FGF12: variants seen among roughly 807,000 people sequenced by gnomAD.
The protein encoded by FGF12 is fibroblast growth factor 12B.
In FGF12, 14 loss-of-function variants were observed where a neutral mutation model predicts 23.6. The ratio of observed to expected loss-of-function variants is 0.59; its 90% CI spans 0.39 to 0.93. The LOEUF (loss-of-function observed/expected upper bound fraction) is 0.93. Among genes scored for constraint, FGF12 ranks in the 40% least tolerant of loss-of-function variants. FGF12 has a pLI of 0.00. For missense variants in FGF12, 175 were observed against 217.8 expected, an observed-to-expected ratio of 0.80 and a Z score of 1.24; for synonymous variants, 62 against 77.3, an observed-to-expected ratio of 0.80 and a Z score of 1.04.
intron 2 of FGF12, among the ~76,000 whole-genome samples, chr3:192,640,812 T>C (rs1341607566): frequency 6.6e-6 from 1 of 151,732 alleles, no homozygotes; most frequent in African/African-American, 2.4e-5. Context: ...TGTTTGTTTG[T>C]TTGTTTGTTT....
chr3:192,443,912 G>A (rs940098183), intron 2 of FGF12, among the ~76,000 whole-genome samples: 1 of 152,144 alleles, frequency 6.6e-6, no homozygotes, highest in Non-Finnish European at 1.5e-5. Context: ...AAACAGAGTG[G>A]CTGAGAAGCA....
intron 2 of FGF12, among the ~76,000 whole-genome samples, chr3:192,628,096 A>T (rs1042091326): frequency 6.6e-6 from 1 of 152,162 alleles, no homozygotes; most frequent in Admixed American, 6.5e-5. Flanking sequence ...GAACGTGATT[A>T]TACAGTAAAT....
chr3:192,680,335 C>A (rs911268730), intron 2 of FGF12, among the ~76,000 whole-genome samples: 3 of 152,100 alleles, frequency 2.0e-5, no homozygotes, highest in African/African-American at 7.2e-5. Context: ...GTGCAAAGGG[C>A]ACAAGGGACT....
At chr3:192,182,382 C>G (rs1716229531) in intron 4 of FGF12, among the ~76,000 whole-genome samples, 1 of 151,840 alleles carries the variant, frequency 6.6e-6, no homozygotes. Flanking sequence ...TATTTCAAAT[C>G]TTATAAAACA....
chr3:192,386,149 C>T (rs73068600), intron 2 of FGF12, among the ~76,000 whole-genome samples: 3,216 of 152,268 alleles, frequency 0.021, 105 homozygotes, highest in African/African-American at 0.074. Context: ...CCAACATGAA[C>T]ACAGTCTTCT....
At chr3:192,344,275 C>T (rs1399795779) in intron 3 of FGF12, among the ~76,000 whole-genome samples, 1 of 151,914 alleles carries the variant, frequency 6.6e-6, no homozygotes, top group African/African-American at 2.4e-5. Flanking sequence ...TTCATATCTC[C>T]ACATCTGGAG....
chr3:192,287,303 T>C (rs529264624), intron 4 of FGF12, among the ~76,000 whole-genome samples: 17 of 152,198 alleles, frequency 1.1e-4, no homozygotes, highest in African/African-American at 4.1e-4. Context: ...TCCAGTTGTA[T>C]TCCCTTTTTG....
At chr3:192,378,606 C>A (rs1719676679) in intron 2 of FGF12, among the ~76,000 whole-genome samples, 1 of 152,022 alleles carries the variant, frequency 6.6e-6, no homozygotes, top group Non-Finnish European at 1.5e-5. Context: ...CAAGAATATT[C>A]TTTGGTATAA....
intron 2 of FGF12, among the ~76,000 whole-genome samples, chr3:192,425,881 T>G (rs1721674928): frequency 6.6e-6 from 1 of 152,196 alleles, no homozygotes; most frequent in Non-Finnish European, 1.5e-5. Context: ...TAAATAGTAT[T>G]AAACTAAATT....
intron 4 of FGF12, among the ~76,000 whole-genome samples, chr3:192,303,757 T>C (rs1715469553): frequency 6.6e-6 from 1 of 152,146 alleles, no homozygotes; most frequent in African/African-American, 2.4e-5. Flanking sequence ...TTTCCCTGAG[T>C]TTTAATTTTT....
At chr3:192,470,629 T>A (rs570889357) in intron 2 of FGF12, among the ~76,000 whole-genome samples, 2 of 152,312 alleles carry the variant, frequency 1.3e-5, no homozygotes, top group East Asian at 1.9e-4. Flanking sequence ...CCTCAAGTGA[T>A]CCTCCTGCCT....
intron 4 of FGF12, among the ~76,000 whole-genome samples, chr3:192,260,682 G>C (rs980650759): frequency 1.3e-5 from 2 of 152,170 alleles, no homozygotes; most frequent in Non-Finnish European, 2.9e-5. Flanking sequence ...GATTTCTCCA[G>C]AGAAAGTTAT....
intron 4 of FGF12, among the ~76,000 whole-genome samples, chr3:192,293,972 C>G (rs1714897561): frequency 6.6e-6 from 1 of 152,154 alleles, no homozygotes; most frequent in Admixed American, 6.6e-5. Flanking sequence ...TCCCATTATT[C>G]ACTCAAGTTG....
At chr3:192,432,578 G>A (rs1220880783) in intron 2 of FGF12, among the ~76,000 whole-genome samples, 1 of 143,274 alleles carries the variant, frequency 7.0e-6, no homozygotes, top group African/African-American at 2.6e-5. Flanking sequence ...GGGCCATGGG[G>A]CAAGGTCCTG....
At chr3:192,527,439 C>T (rs1269312625) in intron 2 of FGF12, among the ~76,000 whole-genome samples, 1 of 152,070 alleles carries the variant, frequency 6.6e-6, no homozygotes, top group Non-Finnish European at 1.5e-5. Flanking sequence ...CAGATTTTGC[C>T]ATTGTTTCCA....
intron 2 of FGF12, among the ~76,000 whole-genome samples, chr3:192,464,456 A>G (rs546137819): frequency 1.3e-5 from 2 of 150,080 alleles, no homozygotes; most frequent in African/African-American, 4.9e-5. Context: ...GTTGCTGTGA[A>G]TGCCATTATT....
At chr3:192,261,401 A>C (rs554540682) in intron 4 of FGF12, among the ~76,000 whole-genome samples, 1 of 152,056 alleles carries the variant, frequency 6.6e-6, no homozygotes, top group African/African-American at 2.4e-5. Context: ...AAGAGGAGCT[A>C]ATGCTATACT....
chr3:192,248,435 T>A lies in FGF12; in HGVS notation c.229-77779A>T, dbSNP rs1289860583. Among the ~76,000 whole-genome samples the A allele has an allele frequency of 2.6e-5, 4 of 152,234 alleles. No individual in the cohort carries two copies. In the East Asian group the frequency reaches 7.7e-4, roughly 29 times the overall value. On this transcript the variant is annotated intron_variant, in intron 4 of 5. Coordinates refer to ENST00000445105, the MANE Select transcript of FGF12 (RefSeq NM_004113.6). ...ATGTTGCACAATTACTAACACTGAA[T>A]ATACTTATCACATTCTCTGGCATGT...
intron 2 of FGF12, among the ~76,000 whole-genome samples, chr3:192,617,997 C>T (rs1714826964): frequency 6.6e-6 from 1 of 151,998 alleles, no homozygotes; most frequent in Non-Finnish European, 1.5e-5. Context: ...AAATATGACT[C>T]CATCTGTATA....
Sources: allele counts gnomAD v4.1 joint callset (sites outside exome capture counted in the v4.1 genomes callset), GRCh38; gene constraint gnomAD v4.1.1; transcripts MANE v1.5; gene names NCBI Gene and HGNC (gene_info 2026-07-23, HGNC 2026-07-21).